The following ITGA2 variants were observed in gnomAD, a reference collection of about 807,000 sequenced individuals.
The protein encoded by ITGA2 is integrin alpha-2.
ITGA2 carries 101 observed loss-of-function variants against 146.3 expected under a neutral mutation model. The observed-to-expected ratio is 0.69, with a 90% CI of 0.59 to 0.81. The LOEUF (loss-of-function observed/expected upper bound fraction) is 0.81. Ranked by LOEUF, ITGA2 falls within the 40% of genes least tolerant of loss-of-function variation. The pLI is 0.00. For synonymous variants in ITGA2, 477 were observed against 487.1 expected (o/e 0.98, Z 0.27); for missense variants, 1,281 against 1,402.7 (o/e 0.91, Z 1.39).
At chr5:53,062,655 C>A in intron 12 of ITGA2, 131 bp from the exon 13 acceptor site, 1 of 921,404 alleles carries the variant, frequency 1.1e-6, no homozygotes. Flanking sequence ...TCTCTGTCTT[C>A]ATGTTCCAAG....
At chr5:53,070,786 A>T (rs996923547) in intron 17 of ITGA2, among the ~76,000 whole-genome samples, 1 of 151,960 alleles carries the variant, frequency 6.6e-6, no homozygotes, top group African/African-American at 2.4e-5. Context: ...AATGCTTTTC[A>T]GGAGAAAACT....
intron 1 of ITGA2, among the ~76,000 whole-genome samples, chr5:52,996,486 G>T (rs1741261109): frequency 6.6e-6 from 1 of 152,118 alleles, no homozygotes. Context: ...CAGACCCTGG[G>T]CTATGAAATA....
chr5:53,058,245 C>A, intron 10 of ITGA2, 144 bp downstream of exon 10: 1 of 712,124 alleles, frequency 1.4e-6, no homozygotes, highest in Non-Finnish European at 2.5e-6. Context: ...TTTCTTTGTG[C>A]TGCTGATTTA....
At chr5:53,024,138 C>T (rs1414688012) in intron 1 of ITGA2, among the ~76,000 whole-genome samples, 1 of 152,136 alleles carries the variant, frequency 6.6e-6, no homozygotes, top group African/African-American at 2.4e-5. Flanking sequence ...GACATTTAGC[C>T]TTCATGAGTT....
At chr5:53,071,854 G>A in intron 17 of ITGA2, 84 bp from the exon 18 acceptor site, 2 of 924,798 alleles carry the variant, frequency 2.2e-6, no homozygotes, top group Admixed American at 1.9e-5. Flanking sequence ...AACACATTTG[G>A]AATCATTTTC....
At chr5:53,082,646 C>T (rs1414866763) in intron 26 of ITGA2, among the ~76,000 whole-genome samples, 1 of 152,128 alleles carries the variant, frequency 6.6e-6, no homozygotes, top group Non-Finnish European at 1.5e-5. Flanking sequence ...GTATATTTGC[C>T]ACAATCGATG....
rs1282677824 is a variant in ITGA2, at chr5:53,051,529, C to G, written c.749C>G (p.Thr250Arg). ...ACATCCCAATATGGTGGGGACCTCA[C>G]AAACACATTCGGAGCAATTCAATAT... ...SQTSQYGGDL[T>R]NTFGAIQYAR... The change falls in exon 7 of 30, where the codon ACA becomes AGA. Residue 250 changes from threonine to arginine, a missense_variant. Thr to Arg is a moderately conservative substitution (Grantham distance 71, BLOSUM62 -1). Coordinates refer to ENST00000296585, the MANE Select transcript of ITGA2 (RefSeq NM_002203.4). 6.2e-7 allele frequency: 1 copy of G among 1,613,586 alleles called. No homozygotes were observed. Among genetic ancestry groups the G allele is most frequent in the South Asian group, 1.1e-5 (1 of 91,072 alleles).
chr5:53,012,806 A>G (rs890132436), intron 1 of ITGA2, among the ~76,000 whole-genome samples: 7 of 152,144 alleles, frequency 4.6e-5, no homozygotes, highest in Non-Finnish European at 8.8e-5. Context: ...CTGGTATGAG[A>G]TGATATCTCA....
chr5:53,042,730 A>G (rs1743865378), intron 3 of ITGA2, among the ~76,000 whole-genome samples: 1 of 152,152 alleles, frequency 6.6e-6, no homozygotes, highest in Admixed American at 6.5e-5. Flanking sequence ...TATTAATGCC[A>G]AAAATTTACT....
In ITGA2 at chr5:53,065,678, C is replaced by T. The variant is rs186263441; in HGVS notation, c.1807-163C>T. ...GTGGCTGTAAGAGTGATGCAGAGAT[C>T]AGATAATAAGATGTGATTAAAAAAT... On this transcript the variant is annotated intron_variant, in intron 14 of 29. Transcript: ENST00000296585. The T allele has an allele frequency of 3.2e-4, 267 of 831,796 alleles. No homozygotes were observed. In the African/African-American group the frequency reaches 4.0e-3, roughly 12 times the overall value. The allele number at this position is 831,796 out of a possible 1,614,324, so 51.5% of individuals were successfully genotyped here.
intron 17 of ITGA2, 141 bp downstream of exon 17, chr5:53,070,401 A>G: frequency 1.3e-6 from 1 of 749,174 alleles, no homozygotes; most frequent in Non-Finnish European, 2.3e-6. Context: ...CATAAATAAG[A>G]AGCATATTTA....
chr5:53,083,754 G>C (rs1411378736), intron 27 of ITGA2, among the ~76,000 whole-genome samples: 3 of 152,112 alleles, frequency 2.0e-5, no homozygotes, highest in Non-Finnish European at 4.4e-5. Flanking sequence ...GGCTACAAGG[G>C]GCAGCCTGCT....
intron 4 of ITGA2, among the ~76,000 whole-genome samples, chr5:53,048,050 T>C (rs1727442514): frequency 6.6e-6 from 1 of 152,146 alleles, no homozygotes; most frequent in Non-Finnish European, 1.5e-5. Flanking sequence ...TCCTCCTTGG[T>C]GTTCTCTGGA....
chr5:52,989,624 A>C, intron 1 of ITGA2, 92 bp downstream of exon 1: 3 of 1,388,776 alleles, frequency 2.2e-6, no homozygotes, highest in Non-Finnish European at 3.1e-6. Context: ...CTAGGGAGCG[A>C]GCTCCGTGTG....
chr5:53,070,396 ATAAG>A (rs1258631217), intron 17 of ITGA2, 136 bp downstream of exon 17: 1 of 760,762 alleles, frequency 1.3e-6, no homozygotes, highest in Non-Finnish European at 2.2e-6. Context: ...AATTCCATAA[ATAAG>A]AAGCATATTT....
intron 2 of ITGA2, among the ~76,000 whole-genome samples, chr5:53,028,880 C>T (rs943445804): frequency 3.3e-5 from 5 of 152,222 alleles, no homozygotes; most frequent in African/African-American, 9.6e-5. Flanking sequence ...AACACCAGCT[C>T]TTACAGGCAC....
At chr5:53,089,459 T>C (rs1422303951) in intron 28 of ITGA2, 2 of 159,200 alleles carry the variant, frequency 1.3e-5, no homozygotes, top group Non-Finnish European at 2.8e-5. Context: ...GAGATATTAT[T>C]TCTACTTTTC....
intron 2 of ITGA2, among the ~76,000 whole-genome samples, chr5:53,029,568 A>C (rs1405542695): frequency 6.6e-6 from 1 of 152,210 alleles, no homozygotes; most frequent in Non-Finnish European, 1.5e-5. Flanking sequence ...CTTTCAGAGC[A>C]ACCCTATCTA....
chr5:53,020,887 G>A (rs184296690), intron 1 of ITGA2, among the ~76,000 whole-genome samples: 91 of 150,520 alleles, frequency 6.0e-4, no homozygotes, highest in Admixed American at 6.0e-3. Context: ...TAGAGACGGG[G>A]TTTCACTATG....
Sources: gnomAD v4.1 joint callset for allele counts (sites outside exome capture counted in the v4.1 genomes callset) on GRCh38, gnomAD v4.1.1 for gene constraint, MANE v1.5 for transcripts, NCBI Gene and HGNC (gene_info 2026-07-23, HGNC 2026-07-21) for gene names.